CDH13: variants seen among roughly 807,000 people sequenced by gnomAD.
CDH13 encodes cadherin-13.
A neutral mutation model predicts 63.8 loss-of-function variants in CDH13; 24 were observed. The observed-to-expected ratio is 0.38, with a 90% CI of 0.27 to 0.53. The LOEUF (loss-of-function observed/expected upper bound fraction) is 0.53. CDH13 is among the 20% of genes least tolerant of loss of function. CDH13 has a pLI of 0.85. For synonymous variants in CDH13, 503 were observed against 355.3 expected (o/e 1.42, Z -4.67); for missense variants, 1,049 against 903.1 (o/e 1.16, Z -2.07).
intron 5 of CDH13, among the ~76,000 whole-genome samples, chr16:83,258,758 G>A (rs1906607255): frequency 6.6e-6 from 1 of 152,176 alleles, no homozygotes; most frequent in Non-Finnish European, 1.5e-5. Flanking sequence ...CAGACATTCT[G>A]CTCTAATTGA....
intron 5 of CDH13, among the ~76,000 whole-genome samples, chr16:83,228,505 C>T (rs755852282): frequency 1.3e-5 from 2 of 152,182 alleles, no homozygotes; most frequent in East Asian, 1.9e-4. Flanking sequence ...TGATTTGCAA[C>T]AATCGACTAT....
In CDH13 at chr16:83,752,536, G is replaced by A. The variant is rs532258082; in HGVS notation, c.1681+4286G>A. ...AAGCAGCAATCTGGTCTAAACTTCCGCCATACCACTTACTAGCTATCTGAT... is the reference window on the plus strand; with the variant it reads ...AAGCAGCAATCTGGTCTAAACTTCCACCATACCACTTACTAGCTATCTGAT... On this transcript the variant is annotated intron_variant, in intron 11 of 13. Coordinates refer to ENST00000567109, the MANE Select transcript of CDH13 (RefSeq NM_001257.5). 6.6e-5 allele frequency among the ~76,000 whole-genome samples: 10 copies of A among 152,212 alleles called. No homozygotes were observed. In the South Asian group the frequency reaches 1.2e-3, roughly 19 times the overall value.
At chr16:83,142,874 G>T (rs183235177) in intron 4 of CDH13, among the ~76,000 whole-genome samples, 1 of 152,102 alleles carries the variant, frequency 6.6e-6, no homozygotes, top group East Asian at 1.9e-4. Flanking sequence ...AGGCCGAGGC[G>T]GGCAGATCAC....
At chr16:83,467,424 T>A (rs1447426874) in intron 6 of CDH13, among the ~76,000 whole-genome samples, 4 of 152,140 alleles carry the variant, frequency 2.6e-5, no homozygotes, top group Admixed American at 2.6e-4. Flanking sequence ...TTGCTGCGTT[T>A]CTGAAAAGAT....
At chr16:82,814,339 G>T (rs2037597597) in intron 1 of CDH13, among the ~76,000 whole-genome samples, 1 of 152,142 alleles carries the variant, frequency 6.6e-6, no homozygotes, top group East Asian at 1.9e-4. Context: ...CAGGATGGGT[G>T]CTGGTTTCCA....
At chr16:83,231,585 T>C (rs1178148921) in intron 5 of CDH13, among the ~76,000 whole-genome samples, 2 of 151,830 alleles carry the variant, frequency 1.3e-5, no homozygotes, top group Admixed American at 6.6e-5. Context: ...AAGTAGGGGG[T>C]CTGCAAACTG....
chr16:83,390,642 C>G (rs1424175), intron 6 of CDH13, among the ~76,000 whole-genome samples: 1 of 152,010 alleles, frequency 6.6e-6, no homozygotes, highest in Non-Finnish European at 1.5e-5. Flanking sequence ...ACTGTCTCCC[C>G]ACCCCAACAG....
intron 2 of CDH13, chr16:82,859,032 T>G (rs1378809818): frequency 6.5e-6 from 1 of 152,992 alleles, no homozygotes; most frequent in East Asian, 1.9e-4. Context: ...TTGATTTATT[T>G]AAAATATGCA....
intron 6 of CDH13, among the ~76,000 whole-genome samples, chr16:83,466,011 G>C (rs1352488885): frequency 6.6e-6 from 1 of 152,096 alleles, no homozygotes; most frequent in Non-Finnish European, 1.5e-5. Context: ...TTCACAGCAG[G>C]TGTCATTCAA....
intron 6 of CDH13, among the ~76,000 whole-genome samples, chr16:83,393,194 G>A (rs1405902715): frequency 6.6e-6 from 1 of 152,196 alleles, no homozygotes; most frequent in Non-Finnish European, 1.5e-5. Context: ...CTAAACTGAT[G>A]CCAAGGGGTG....
intron 7 of CDH13, among the ~76,000 whole-genome samples, chr16:83,573,667 C>G (rs1408497640): frequency 6.6e-6 from 1 of 152,018 alleles, no homozygotes; most frequent in Non-Finnish European, 1.5e-5. Context: ...AAATAAAAAA[C>G]AAAGGTAGAA....
At chr16:82,948,073 T>C in intron 2 of CDH13, among the ~76,000 whole-genome samples, 1 of 152,202 alleles carries the variant, frequency 6.6e-6, no homozygotes, top group Non-Finnish European at 1.5e-5. Context: ...TTAATGGACA[T>C]TGAAAGATAT....
At chr16:83,764,842 G>A (rs1013120501) in intron 11 of CDH13, among the ~76,000 whole-genome samples, 1 of 152,172 alleles carries the variant, frequency 6.6e-6, no homozygotes, top group Admixed American at 6.5e-5. Flanking sequence ...CTCCATGACA[G>A]TCCTGGCCTC....
chr16:83,307,314 T>C (rs1050806508), intron 5 of CDH13, among the ~76,000 whole-genome samples: 16 of 152,214 alleles, frequency 1.1e-4, no homozygotes, highest in African/African-American at 3.9e-4. Context: ...ACGATTATTT[T>C]CCCCCTCATT....
intron 6 of CDH13, among the ~76,000 whole-genome samples, chr16:83,449,561 T>C (rs1204547929): frequency 6.6e-6 from 1 of 152,204 alleles, no homozygotes; most frequent in Non-Finnish European, 1.5e-5. Flanking sequence ...TTCCAGTCCT[T>C]GGAATTTCGC....
chr16:82,895,707 AG>A (rs2041232538), intron 2 of CDH13, among the ~76,000 whole-genome samples: 1 of 149,352 alleles, frequency 6.7e-6, no homozygotes, highest in Non-Finnish European at 1.5e-5. Flanking sequence ...TTTTTTAAAG[AG>A]GGGTGTTTTC....
chr16:82,682,189 A>G (rs1349725478), intron 1 of CDH13, among the ~76,000 whole-genome samples: 1 of 152,190 alleles, frequency 6.6e-6, no homozygotes, highest in Non-Finnish European at 1.5e-5. Context: ...AAATAACTAT[A>G]ATTGGTTCCT....
At chr16:83,063,433 T>C (rs1376723748) in intron 3 of CDH13, among the ~76,000 whole-genome samples, 5 of 152,158 alleles carry the variant, frequency 3.3e-5, no homozygotes, top group African/African-American at 1.2e-4. Context: ...CAGCTCTTCA[T>C]GAAGATTGGC....
At chr16:83,504,962 C>T (rs1302670654) in intron 7 of CDH13, among the ~76,000 whole-genome samples, 1 of 152,094 alleles carries the variant, frequency 6.6e-6, no homozygotes, top group Non-Finnish European at 1.5e-5. Context: ...CTTTAAATCT[C>T]CTTTCTCTGT....
Sources: allele counts gnomAD v4.1 joint callset (sites outside exome capture counted in the v4.1 genomes callset), GRCh38; gene constraint gnomAD v4.1.1; transcripts MANE v1.5; gene names NCBI Gene and HGNC (gene_info 2026-07-23, HGNC 2026-07-21).